The following LEMD3 variants were observed in gnomAD, a reference collection of about 807,000 sequenced individuals.
The protein encoded by LEMD3 is inner nuclear membrane protein Man1.
A neutral mutation model predicts 95.2 loss-of-function variants in LEMD3; 33 were observed. That is an observed-to-expected ratio of 0.35 (90% CI 0.26 to 0.46). The LOEUF (loss-of-function observed/expected upper bound fraction) is 0.46, where lower values mean the gene tolerates loss of function less well. Ranked by LOEUF, LEMD3 falls within the 20% of genes least tolerant of loss-of-function variation. LEMD3 has a pLI of 1.00. For synonymous variants in LEMD3, 525 were observed against 474.6 expected (o/e 1.11, Z -1.38); for missense variants, 1,210 against 1,192.8 (o/e 1.01, Z -0.21).
chr12:65,241,202 C>T lies in LEMD3; in HGVS notation c.2305+115C>T. 4 of 866,538 alleles carry T rather than the reference C, an allele frequency of 4.6e-6. No individual in the cohort carries two copies. In the South Asian group the frequency reaches 5.8e-5, roughly 13 times the overall value. The allele number at this position is 866,538 out of a possible 1,614,324, so 53.7% of individuals were successfully genotyped here. On this transcript the variant is annotated intron_variant, in intron 9 of 12. Coordinates refer to ENST00000308330, the MANE Select transcript of LEMD3 (RefSeq NM_014319.5). ...TGTATGAAGGCAAAACTCTCTCGTT[C>T]TGTTTCGTAGAAGGAATCAGTGTTA...
chr12:65,218,656 T>C, intron 4 of LEMD3, 37 bp downstream of exon 4: 1 of 1,160,952 alleles, frequency 8.6e-7, no homozygotes. Context: ...AGCTATATTT[T>C]AAAAAATTAT....
chr12:65,233,328 A>G (rs1870685211), intron 4 of LEMD3, among the ~76,000 whole-genome samples: 1 of 152,170 alleles, frequency 6.6e-6, no homozygotes, highest in South Asian at 2.1e-4. Context: ...GATCTGAAAA[A>G]GTGGTCAAAG....
chr12:65,233,653 A>C (rs1248914771), intron 4 of LEMD3, among the ~76,000 whole-genome samples: 2 of 152,194 alleles, frequency 1.3e-5, no homozygotes, highest in African/African-American at 4.8e-5. Flanking sequence ...ATTACTGTGT[A>C]AATTATCAGT....
rs1408491523 is a variant in LEMD3, at chr12:65,247,101, A to C, written c.*776A>C. 1 of 152,584 alleles carries C rather than the reference A, an allele frequency of 6.6e-6. No homozygotes were observed. Among genetic ancestry groups the C allele is most frequent in the African/African-American group, 2.4e-5 (1 of 41,452 alleles). The allele number at this position is 152,584 out of a possible 1,614,324, so 9.5% of individuals were successfully genotyped here. ...ATGGCTGTACTTTTGCATAGATCAA[A>C]CAGCCAAACACCTGGAAGTATTAGA... On this transcript the variant is annotated 3_prime_UTR_variant, in exon 13 of 13. Transcript: ENST00000308330.
chr12:65,240,540 A>T lies in LEMD3; in HGVS notation c.2126+302A>T, dbSNP rs78114476. On this transcript the variant is annotated intron_variant, in intron 8 of 12. Transcript: ENST00000308330. ...CTTGATAAAGAAATAGATGACAGCCAGTGGCTGGTGTTTTACTAATGTTTT... is the reference window on the plus strand; with the variant it reads ...CTTGATAAAGAAATAGATGACAGCCTGTGGCTGGTGTTTTACTAATGTTTT... The T allele has an allele frequency of 2.8e-5, 12 of 425,986 alleles. No homozygotes were observed. The East Asian group carries it at 5.3e-4, about 19-fold the overall frequency. 26.4% of individuals were successfully genotyped at this position (425,986 alleles called of 1,614,324 possible). A position where few individuals can be genotyped will look rare whatever the true frequency, so the allele number is the denominator to read the frequency against.
chr12:65,222,105 C>G (rs1489217064), intron 4 of LEMD3, among the ~76,000 whole-genome samples: 1 of 152,054 alleles, frequency 6.6e-6, no homozygotes, highest in Non-Finnish European at 1.5e-5. Context: ...CATGTATGGC[C>G]TTTAATATGT....
rs2136322808 is a variant in LEMD3 at position 65,188,018 on chromosome 12, TA to T, written c.1522+16901del. ...TTAAAATGGTGTTAAGGATCAATCTTACTGACTTGGTCCAGAAAACTGTTTT... is the reference window on the plus strand; with the variant it reads ...TTAAAATGGTGTTAAGGATCAATCTTCTGACTTGGTCCAGAAAACTGTTTT... On this transcript the variant is annotated intron_variant, in intron 1 of 12. Transcript: ENST00000308330. Among the ~76,000 whole-genome samples, 4 of 152,256 alleles carry T rather than the reference TA, an allele frequency of 2.6e-5. No homozygotes were observed. In the East Asian group the frequency reaches 7.7e-4, roughly 29 times the overall value.
chr12:65,230,166 CT>C (rs1242599284), intron 4 of LEMD3, among the ~76,000 whole-genome samples: 1 of 152,100 alleles, frequency 6.6e-6, no homozygotes, highest in African/African-American at 2.4e-5. Flanking sequence ...GTCTGTGTGT[CT>C]GCTTTTATGC....
chr12:65,170,854 A>C lies in LEMD3; in HGVS notation c.1258A>C (p.Ser420Arg). 1 of 1,614,160 alleles carries C rather than the reference A, an allele frequency of 6.2e-7. No individual in the cohort carries two copies. The highest frequency in any genetic ancestry group is 1.1e-5 in the South Asian group (1 of 91,084). Residue 420 changes from serine (S) to arginine (R), a missense_variant, in exon 1 of 13, where the codon AGT becomes CGT. Coordinates refer to ENST00000308330, the MANE Select transcript of LEMD3 (RefSeq NM_014319.5). ...LPPSAAVAAS[S>R]SLRINHANHT... ...TCCCAGTGCGGCGGTGGCCGCCTCT[A>C]GTTCACTCAGGATCAATCACGCCAA...
intron 1 of LEMD3, among the ~76,000 whole-genome samples, chr12:65,202,725 G>A (rs932974769): frequency 2.6e-5 from 4 of 152,078 alleles, no homozygotes; most frequent in Non-Finnish European, 4.4e-5. Context: ...TACTGATTCC[G>A]TTTCTTTAAT....
chr12:65,206,377 C>G (rs1373485809), intron 1 of LEMD3, among the ~76,000 whole-genome samples: 1 of 152,118 alleles, frequency 6.6e-6, no homozygotes, highest in Non-Finnish European at 1.5e-5. Context: ...AAACTCCTGT[C>G]TGTAGAATTG....
rs189782884 is a variant in LEMD3, at chr12:65,234,779, A to G, written c.1696-3723A>G. ...TTCCTCCTCGTACTTAGCTTTTTAG[A>G]TCTGTAGGTGTCTTTGTTAATTTGA... On this transcript the variant is annotated intron_variant, in intron 4 of 12. Transcript: ENST00000308330. Among the ~76,000 whole-genome samples, 7 of 152,260 alleles carry G rather than the reference A, an allele frequency of 4.6e-5. No homozygotes were observed. In the East Asian group the frequency reaches 1.2e-3, roughly 25 times the overall value.
chr12:65,169,636 G>T lies in LEMD3; in HGVS notation c.40G>T (p.Asp14Tyr). 1 of 1,589,750 alleles carries T rather than the reference G, an allele frequency of 6.3e-7. No homozygotes were observed. The highest frequency in any genetic ancestry group is 8.5e-7 in the Non-Finnish European group (1 of 1,169,996). The change falls in exon 1 of 13, where the codon GAT becomes TAT. Residue 14 changes from aspartate (D) to tyrosine (Y), a missense_variant. By Grantham distance (160) the Asp-to-Tyr change is radical (BLOSUM62 -3). This residue lies in a region of LEMD3 where 749 missense variants were observed against 622.9 expected (regional missense o/e 1.20). Transcript: ENST00000308330. ...AAASAPQQLS[D>Y]EELFSQLRRY... is the part of the protein sequence containing the mutation. ...AGCTTCGGCGCCTCAGCAGCTCTCG[G>T]ATGAGGAGCTTTTCTCTCAGCTCCG...
intron 2 of LEMD3, among the ~76,000 whole-genome samples, chr12:65,213,321 G>A (rs1379594969): frequency 6.6e-6 from 1 of 152,056 alleles, no homozygotes; most frequent in Non-Finnish European, 1.5e-5. Flanking sequence ...AACCTCCTGG[G>A]CTCAAGTTAT....
intron 1 of LEMD3, among the ~76,000 whole-genome samples, chr12:65,175,058 A>ACC (rs575860655): frequency 6.6e-6 from 1 of 152,316 alleles, no homozygotes; most frequent in South Asian, 2.1e-4. Context: ...GTGTTGAAGG[A>ACC]CCAAAAAGAA....
rs148775979 is a variant in LEMD3, at chr12:65,171,788, T to A, written c.1522+670T>A. ...TTTCCAGGTCCTACTATTTACTTGC[T>A]AAATGACTGTAGGCAGGTGTGTTCA... On this transcript the variant is annotated intron_variant, in intron 1 of 12. Transcript: ENST00000308330. 1,185 of 154,482 alleles carry A rather than the reference T, an allele frequency of 7.7e-3. 10 individuals carry two copies. The highest frequency in any genetic ancestry group is 0.012 in the Non-Finnish European group (810 of 69,472). 9.6% of individuals were successfully genotyped at this position (154,482 alleles called of 1,614,324 possible).
chr12:65,170,764 A>G lies in LEMD3; in HGVS notation c.1168A>G (p.Asn390Asp), dbSNP rs749468914. 11 of 1,614,168 alleles carry G rather than the reference A, an allele frequency of 6.8e-6. No homozygotes were observed. The highest frequency in any genetic ancestry group is 8.5e-6 in the Non-Finnish European group (10 of 1,180,026). The change falls in exon 1 of 13, where the codon AAT becomes GAT. Residue 390 changes from asparagine to aspartate, a missense_variant. Transcript: ENST00000308330. ...GTCAACAGGCTCCCTTCTGAAAACC[A>G]ATAATCATATTGGCGGTGGGGCCTT... Reference protein sequence around the residue: ...DSSTGSLLKTNNHIGGGAFSV... With the variant: ...DSSTGSLLKTDNHIGGGAFSV...
chr12:65,238,670 T>C lies in LEMD3; in HGVS notation c.1777T>C (p.Cys593Arg), dbSNP rs1217209052. 1.2e-6 allele frequency: 2 copies of C among 1,614,020 alleles called. No individual in the cohort carries two copies. The highest frequency in any genetic ancestry group is 1.7e-6 in the Non-Finnish European group (2 of 1,179,958). ...TCTACCTTACTTATTTTTAAATAGG[T>C]GTGTTGGTTTTGGCCCTGAGGAAGA... ...LENGKDVGIRCVGFGPEEELT... is the reference protein window; with the variant it reads ...LENGKDVGIRRVGFGPEEELT... The change falls in exon 6 of 13, where the codon TGT (cysteine) becomes CGT (arginine). Residue 593 changes from cysteine (C) to arginine (R), a missense_variant and splice_region_variant. Cys to Arg is a radical substitution (Grantham distance 180). Transcript: ENST00000308330.
At chr12:65,218,755 G>C (rs1592451523) in intron 4 of LEMD3, 136 bp downstream of exon 4, 1 of 484,458 alleles carries the variant, frequency 2.1e-6, no homozygotes, top group East Asian at 4.0e-5. Context: ...TATAATATGA[G>C]CAGTTATGAG....
Sources: gnomAD v4.1 joint callset for allele counts (sites outside exome capture counted in the v4.1 genomes callset) on GRCh38, gnomAD v4.1.1 for gene constraint, gnomAD v4.1.1 regional missense constraint, MANE v1.5 for transcripts, NCBI Gene and HGNC (gene_info 2026-07-23, HGNC 2026-07-21) for gene names.